The following PDE4D variants were observed in gnomAD, a reference collection of about 807,000 sequenced individuals.
PDE4D encodes the protein phosphodiesterase 4D, also known as 3',5'-cyclic-AMP phosphodiesterase 4D.
PDE4D carries 24 observed loss-of-function variants against 87.4 expected under a neutral mutation model. The ratio of observed to expected loss-of-function variants is 0.27; its 90% confidence interval spans 0.20 to 0.39. The LOEUF is 0.39. Among genes scored for constraint, PDE4D ranks in the 10% least tolerant of loss-of-function variants. PDE4D has a pLI of 1.00. For missense variants in PDE4D, 714 were observed against 1,041.0 expected, an observed-to-expected ratio of 0.69 and a Z score of 4.32; for synonymous variants, 384 against 383.2, an observed-to-expected ratio of 1.00 and a Z score of -0.02.
chr5:60,242,770 T>C (rs1562251700), intron 1 of PDE4D, among the ~76,000 whole-genome samples: 1 of 151,974 alleles, frequency 6.6e-6, no homozygotes, highest in Non-Finnish European at 1.5e-5. Context: ...AATTATAAAA[T>C]TTCTTGAAAC....
intron 1 of PDE4D, among the ~76,000 whole-genome samples, chr5:59,358,052 A>C (rs1781659579): frequency 1.3e-5 from 2 of 152,222 alleles, no homozygotes; most frequent in South Asian, 4.1e-4. Flanking sequence ...TCTAAAGCTC[A>C]ATCTGTCTCT....
At chr5:59,586,659 T>C in intron 1 of PDE4D, 1 of 985,328 alleles carries the variant, frequency 1.0e-6, no homozygotes, top group South Asian at 4.7e-5. Context: ...AAATAACCAG[T>C]TCAACTAATA....
At chr5:60,199,259 G>A (rs1181749371) in intron 1 of PDE4D, among the ~76,000 whole-genome samples, 1 of 151,678 alleles carries the variant, frequency 6.6e-6, no homozygotes, top group Non-Finnish European at 1.5e-5. Flanking sequence ...AACAAGTGGA[G>A]GACCTGACAC....
At chr5:60,503,472 C>A (rs1462571829) in intron 1 of PDE4D, among the ~76,000 whole-genome samples, 1 of 152,072 alleles carries the variant, frequency 6.6e-6, no homozygotes, top group East Asian at 1.9e-4. Context: ...GGTCCTCTTG[C>A]TTTTTCATGT....
intron 6 of PDE4D, among the ~76,000 whole-genome samples, chr5:59,015,129 G>C (rs924918814): frequency 6.6e-6 from 1 of 152,030 alleles, no homozygotes; most frequent in East Asian, 1.9e-4. Context: ...AATTCAAGAC[G>C]GATTAAAGAC....
At chr5:59,693,207 A>T (rs2150413828) in intron 1 of PDE4D, among the ~76,000 whole-genome samples, 1 of 152,040 alleles carries the variant, frequency 6.6e-6, no homozygotes, top group East Asian at 1.9e-4. Context: ...TATAAATAAA[A>T]TAAAGAAAGA....
chr5:60,014,620 C>G (rs1160577797), intron 2 of PDE4D, among the ~76,000 whole-genome samples: 1 of 152,114 alleles, frequency 6.6e-6, no homozygotes, highest in Admixed American at 6.5e-5. Flanking sequence ...GACTCTCAGT[C>G]TAAAGAAGAA....
chr5:60,122,422 T>C (rs1333600306), intron 2 of PDE4D, among the ~76,000 whole-genome samples: 1 of 152,250 alleles, frequency 6.6e-6, no homozygotes, highest in South Asian at 2.1e-4. Flanking sequence ...TTCTGAAATA[T>C]AGGCGGAGGT....
At chr5:59,960,200 G>A (rs1451781269) in intron 3 of PDE4D, among the ~76,000 whole-genome samples, 3 of 151,984 alleles carry the variant, frequency 2.0e-5, no homozygotes, top group South Asian at 2.1e-4. Flanking sequence ...AAAAAATAAC[G>A]GATGTTGGCG....
rs565680635 is a variant in PDE4D at position 59,913,108 on chromosome 5, G to A, written c.272+75380C>T. Among the ~76,000 whole-genome samples the A allele has an allele frequency of 4.1e-4, 62 of 151,964 alleles. No homozygotes were observed. The South Asian group carries it at 9.1e-3, about 22-fold the overall frequency. On this transcript the variant is annotated intron_variant, in intron 3 of 16. Coordinates refer to the PDE4D transcript ENST00000502484. ...AATGACCAGATGGTAAGCCATTACA[G>A]GGAAAAGAAAACTAAGCCAGCAATT...
chr5:60,244,465 A>C (rs1054901021), intron 1 of PDE4D, among the ~76,000 whole-genome samples: 1 of 151,974 alleles, frequency 6.6e-6, no homozygotes, highest in Non-Finnish European at 1.5e-5. Flanking sequence ...ATTTATATGG[A>C]ATCACAAAAT....
intron 1 of PDE4D, among the ~76,000 whole-genome samples, chr5:59,624,843 T>C (rs532171572): frequency 6.6e-6 from 1 of 152,302 alleles, no homozygotes; most frequent in South Asian, 2.1e-4. Flanking sequence ...ACCAAGCTTT[T>C]TGGCTGTGAT....
At chr5:59,162,100 T>C (rs747386876) in intron 5 of PDE4D, among the ~76,000 whole-genome samples, 12 of 152,334 alleles carry the variant, frequency 7.9e-5, no homozygotes, top group Admixed American at 3.3e-4. Flanking sequence ...ACAGAACCTT[T>C]CATCCAGTGA....
intron 2 of PDE4D, among the ~76,000 whole-genome samples, chr5:60,158,103 T>C (rs2910834): frequency 0.66 from 100,755 of 152,038 alleles, 34,083 homozygotes; most frequent in Middle Eastern, 0.7. Context: ...GCTTGGTACC[T>C]AATACATATT....
chr5:59,574,094 A>AT (rs1822540726), intron 1 of PDE4D, among the ~76,000 whole-genome samples: 3 of 1,982 alleles, frequency 1.5e-3, no homozygotes, highest in African/African-American at 3.8e-3. Flanking sequence ...TTATATATAT[A>AT]AATATATATT....
chr5:59,201,879 C>A (rs1747498314), intron 2 of PDE4D, among the ~76,000 whole-genome samples: 1 of 152,072 alleles, frequency 6.6e-6, no homozygotes, highest in East Asian at 1.9e-4. Flanking sequence ...CAACCTTTTA[C>A]TGAGAATCAA....
chr5:59,131,597 A>C (rs912389470), intron 5 of PDE4D, among the ~76,000 whole-genome samples: 53 of 118,188 alleles, frequency 4.5e-4, no homozygotes, highest in Admixed American at 3.3e-3. Context: ...GCCAATTTAA[A>C]ACACACACAC....
intron 1 of PDE4D, among the ~76,000 whole-genome samples, chr5:59,883,334 C>A (rs561301613): frequency 4.6e-5 from 7 of 152,182 alleles, no homozygotes; most frequent in Admixed American, 2.6e-4. Context: ...AGAGGCTGAA[C>A]GTGGGATACA....
At chr5:58,976,529 T>TA (rs1162128241) in intron 12 of PDE4D, 57 bp from the exon 13 acceptor site, 23 of 1,316,514 alleles carry the variant, frequency 1.7e-5, no homozygotes, top group Admixed American at 2.1e-5. Context: ...CACATGAAAA[T>TA]ATTACGCAGA....
Sources: gnomAD v4.1 joint callset for allele counts (sites outside exome capture counted in the v4.1 genomes callset) on GRCh38, gnomAD v4.1.1 for gene constraint, MANE v1.5 for transcripts, NCBI Gene and HGNC (gene_info 2026-07-23, HGNC 2026-07-21) for gene names.